The following DLG2 variants were observed in gnomAD, a reference collection of about 807,000 sequenced individuals.
The protein encoded by DLG2 is discs large MAGUK scaffold protein 2, also known as disks large homolog 2.
In DLG2, 45 loss-of-function variants were observed where a neutral mutation model predicts 132.5. The observed-to-expected ratio is 0.34, with a 90% CI of 0.27 to 0.44. DLG2 has a LOEUF of 0.44. Ranked by LOEUF, DLG2 falls within the 20% of genes least tolerant of loss-of-function variation. The pLI, the probability that DLG2 is intolerant of heterozygous loss-of-function variation, is 1.00. For synonymous variants in DLG2, 424 were observed against 419.6 expected, an observed-to-expected ratio of 1.01 and a Z score of -0.13; for missense variants, 1,045 against 1,196.9, an observed-to-expected ratio of 0.87 and a Z score of 1.87.
At chr11:84,118,614 A>T (rs1566580917) in intron 9 of DLG2, among the ~76,000 whole-genome samples, 2 of 152,220 alleles carry the variant, frequency 1.3e-5, no homozygotes, top group Non-Finnish European at 2.9e-5. Flanking sequence ...ATTAAAGTGC[A>T]GCACAGAGGT....
chr11:84,936,660 T>C (rs1430055256), intron 6 of DLG2: 5 of 152,172 alleles, frequency 3.3e-5, no homozygotes, highest in African/African-American at 9.6e-5. Context: ...TACAGGATTA[T>C]GCAAGTTTTA....
intron 21 of DLG2, among the ~76,000 whole-genome samples, chr11:83,529,675 C>T (rs964687282): frequency 6.6e-6 from 1 of 151,554 alleles, no homozygotes; most frequent in Non-Finnish European, 1.5e-5. Context: ...GGAGATGAAA[C>T]TTGTTTGACA....
At chr11:84,267,386 T>C (rs527616762) in intron 7 of DLG2, among the ~76,000 whole-genome samples, 18 of 152,296 alleles carry the variant, frequency 1.2e-4, no homozygotes, top group African/African-American at 4.1e-4. Context: ...TCCTGAAGGA[T>C]ACAACCTTAC....
chr11:84,276,813 T>C (rs898771636), intron 7 of DLG2, among the ~76,000 whole-genome samples: 5 of 152,180 alleles, frequency 3.3e-5, no homozygotes, highest in African/African-American at 4.8e-5. Context: ...TTTAACTTCA[T>C]GACAATTGCA....
intron 19 of DLG2, among the ~76,000 whole-genome samples, chr11:83,605,007 C>CAGACAGAGAGAGAGAGAGAG (rs2059120082): frequency 1.5e-5 from 2 of 129,834 alleles, no homozygotes; most frequent in Non-Finnish European, 3.3e-5. Flanking sequence ...TTTTCAAAGA[C>CAGACAGAGAGAGAGAGAGAG]AGAGAGAGAG....
chr11:83,550,380 C>T (rs564703032), intron 19 of DLG2, among the ~76,000 whole-genome samples: 7 of 152,192 alleles, frequency 4.6e-5, no homozygotes, highest in African/African-American at 9.6e-5. Context: ...TTCACATGTC[C>T]GGGGGCTTGC....
At chr11:84,613,796 A>G (rs113605630) in intron 6 of DLG2, among the ~76,000 whole-genome samples, 3 of 152,284 alleles carry the variant, frequency 2.0e-5, no homozygotes, top group African/African-American at 7.2e-5. Flanking sequence ...TAAACCTTAC[A>G]ATGGAGATTC....
chr11:84,066,078 T>G (rs1040247315), intron 10 of DLG2, among the ~76,000 whole-genome samples: 1 of 152,094 alleles, frequency 6.6e-6, no homozygotes. Flanking sequence ...AGAGTGGAAG[T>G]TGGGATGAGG....
intron 10 of DLG2, among the ~76,000 whole-genome samples, chr11:84,060,041 A>G (rs6592159): frequency 0.79 from 120,366 of 151,600 alleles, 49,005 homozygotes; most frequent in Middle Eastern, 0.92. Flanking sequence ...GGTTGGGCGC[A>G]GTGGCTCATG....
chr11:85,497,040 C>A (rs953223352), intron 3 of DLG2, among the ~76,000 whole-genome samples: 3 of 151,858 alleles, frequency 2.0e-5, no homozygotes, highest in Non-Finnish European at 4.4e-5. Context: ...GAAAACAACT[C>A]CTCGCCAGCA....
chr11:84,244,810 TATC>T (rs1423595383), intron 8 of DLG2, among the ~76,000 whole-genome samples: 3 of 152,202 alleles, frequency 2.0e-5, no homozygotes, highest in African/African-American at 7.2e-5. Context: ...TCTTCCAAAA[TATC>T]ATACCATTAT....
chr11:83,551,165 G>C (rs1280754278), intron 19 of DLG2, among the ~76,000 whole-genome samples: 1 of 152,090 alleles, frequency 6.6e-6, no homozygotes, highest in Non-Finnish European at 1.5e-5. Context: ...CTGTCCGACA[G>C]GGTCCTTATA....
chr11:83,699,087 A>T (rs2082413561), intron 18 of DLG2, among the ~76,000 whole-genome samples: 1 of 152,218 alleles, frequency 6.6e-6, no homozygotes, highest in African/African-American at 2.4e-5. Context: ...AAAGCTTATT[A>T]CAAATAACTG....
intron 5 of DLG2, among the ~76,000 whole-genome samples, chr11:85,127,327 T>C (rs1007549723): frequency 7.6e-5 from 11 of 144,280 alleles, no homozygotes; most frequent in African/African-American, 1.5e-4. Flanking sequence ...CCCAACCCCA[T>C]TGTGGCTTTC....
intron 15 of DLG2, among the ~76,000 whole-genome samples, chr11:83,922,539 T>C (rs1007334537): frequency 1.3e-5 from 2 of 152,196 alleles, no homozygotes; most frequent in South Asian, 4.1e-4. Flanking sequence ...ATCAGCCTTT[T>C]AAGGGCATAA....
chr11:84,582,565 A>G (rs1204216719), intron 6 of DLG2, among the ~76,000 whole-genome samples: 2 of 150,440 alleles, frequency 1.3e-5, no homozygotes, highest in Non-Finnish European at 3.0e-5. Flanking sequence ...AAATAATAAT[A>G]ATAATACTAT....
At chr11:85,054,419 G>T (rs920505430) in intron 6 of DLG2, among the ~76,000 whole-genome samples, 7 of 152,182 alleles carry the variant, frequency 4.6e-5, no homozygotes, top group Admixed American at 2.6e-4. Flanking sequence ...TACACTGCTC[G>T]TGAGAATGTA....
chr11:84,042,797 C>T (rs2154108889), intron 11 of DLG2, among the ~76,000 whole-genome samples: 1 of 151,874 alleles, frequency 6.6e-6, no homozygotes, highest in South Asian at 2.1e-4. Flanking sequence ...AAACCAAACA[C>T]CACATGTTCT....
intron 3 of DLG2, among the ~76,000 whole-genome samples, chr11:85,525,218 A>G (rs1011679043): frequency 6.6e-6 from 1 of 152,224 alleles, no homozygotes; most frequent in African/African-American, 2.4e-5. Flanking sequence ...TTGAAAAAGT[A>G]CAACACAATT....
Sources: allele counts gnomAD v4.1 joint callset (sites outside exome capture counted in the v4.1 genomes callset), GRCh38; gene constraint gnomAD v4.1.1; transcripts MANE v1.5; gene names NCBI Gene and HGNC (gene_info 2026-07-23, HGNC 2026-07-21).